DCDC1: variants seen among roughly 807,000 people sequenced by gnomAD.
DCDC1 encodes the protein doublecortin domain-containing protein 1.
In DCDC1, 200 loss-of-function variants were observed where a neutral mutation model predicts 178.3. The ratio of observed to expected loss-of-function variants is 1.12; its 90% confidence interval spans 1.00 to 1.26. DCDC1 has a LOEUF of 1.26. Among genes scored for constraint, DCDC1 ranks in the 50% most tolerant of loss-of-function variants. The pLI is 0.00. For synonymous variants in DCDC1, 690 were observed against 604.8 expected (o/e 1.14, Z -2.07); for missense variants, 1,983 against 1,749.2 (o/e 1.13, Z -2.38).
At position 31,307,653 on chromosome 11, in the gene DCDC1, T is replaced by G; in HGVS notation, c.420A>C (p.Pro140=). ...GCTTTGATTACCTCAGTTGACCCACTGGAGCACTGACAGGTCTGTTTCTCT... is the reference window on the plus strand; with the variant it reads ...GCTTTGATTACCTCAGTTGACCCACGGGAGCACTGACAGGTCTGTTTCTCT... The part of the protein sequence containing the change: ...ASKRNRPVSA[P]VGQLRVAEFS... Residue 140 remains proline, a synonymous_variant, in exon 4 of 39, where the codon CCA becomes CCC. Coordinates refer to ENST00000684477, the MANE Select transcript of DCDC1 (RefSeq NM_001387274.1). 1 of 1,614,042 alleles carries G rather than the reference T, an allele frequency of 6.2e-7. No homozygotes were observed. The highest frequency in any genetic ancestry group is 8.5e-7 in the Non-Finnish European group (1 of 1,179,924).
At chr11:30,949,801 A>G (rs908042039) in intron 21 of DCDC1, among the ~76,000 whole-genome samples, 3 of 151,110 alleles carry the variant, frequency 2.0e-5, no homozygotes, top group African/African-American at 7.3e-5. Context: ...TGGGAGTTGA[A>G]CAATGAGAAC....
At chr11:30,963,658 C>T (rs191521322) in intron 20 of DCDC1, among the ~76,000 whole-genome samples, 13 of 152,206 alleles carry the variant, frequency 8.5e-5, no homozygotes, top group Admixed American at 3.3e-4. Context: ...TAGGTGGGAG[C>T]CACATGATAA....
chr11:31,358,541 G>A (rs1236185872), intron 1 of DCDC1, among the ~76,000 whole-genome samples: 2 of 151,720 alleles, frequency 1.3e-5, no homozygotes, highest in African/African-American at 4.8e-5. Context: ...AGGACTTCAT[G>A]TCTAAAACAC....
At chr11:31,282,221 GT>G (rs1368767698) in intron 7 of DCDC1, among the ~76,000 whole-genome samples, 1 of 151,826 alleles carries the variant, frequency 6.6e-6, no homozygotes, top group African/African-American at 2.4e-5. Context: ...TTTTTGAAAA[GT>G]TTTTAATTAT....
At chr11:30,871,371 G>A (rs1467983197) in intron 38 of DCDC1, among the ~76,000 whole-genome samples, 6 of 152,052 alleles carry the variant, frequency 3.9e-5, no homozygotes, top group East Asian at 1.9e-4. Flanking sequence ...AGGCCACCAC[G>A]AAGCCTGTTT....
rs1297407078 is a variant in DCDC1, at chr11:30,919,037, A to G, written c.3293+1739T>C. 1.8e-4 allele frequency among the ~76,000 whole-genome samples: 27 copies of G among 152,124 alleles called. 1 individual carries two copies. On this transcript the variant is annotated intron_variant, in intron 25 of 38. Transcript: ENST00000684477. ...TTCAAATATGCAAAAAACTCCAAACAAGCACATTTAAGAAAGTCTGGGAAA... is the reference window on the plus strand; with the variant it reads ...TTCAAATATGCAAAAAACTCCAAACGAGCACATTTAAGAAAGTCTGGGAAA...
At chr11:31,339,480 T>C (rs1351344518) in intron 1 of DCDC1, among the ~76,000 whole-genome samples, 1 of 152,192 alleles carries the variant, frequency 6.6e-6, no homozygotes, top group Non-Finnish European at 1.5e-5. Context: ...TAAGATACTA[T>C]GGAAACAAAT....
intron 36 of DCDC1, 56 bp downstream of exon 36, chr11:30,892,762 T>C: frequency 6.3e-7 from 1 of 1,593,670 alleles, no homozygotes; most frequent in Non-Finnish European, 8.6e-7. Context: ...TCTAGAAATA[T>C]CAGAGCTGGG....
chr11:31,025,058 G>T (rs887467840), intron 20 of DCDC1, among the ~76,000 whole-genome samples: 1 of 151,778 alleles, frequency 6.6e-6, no homozygotes, highest in African/African-American at 2.4e-5. Flanking sequence ...ATAATTCTGA[G>T]TATGAATTAT....
At chr11:31,161,743 C>T (rs1476881513) in intron 9 of DCDC1, among the ~76,000 whole-genome samples, 1 of 152,146 alleles carries the variant, frequency 6.6e-6, no homozygotes, top group African/African-American at 2.4e-5. Flanking sequence ...AAGCAGTGGC[C>T]TCTGACTTCA....
intron 20 of DCDC1, among the ~76,000 whole-genome samples, chr11:31,057,424 T>C (rs1026975399): frequency 1.6e-4 from 24 of 152,266 alleles, no homozygotes; most frequent in African/African-American, 5.5e-4. Context: ...AGCTGAAATA[T>C]TTCATATATT....
At chr11:30,954,879 G>A (rs1035676222) in intron 20 of DCDC1, among the ~76,000 whole-genome samples, 1 of 152,166 alleles carries the variant, frequency 6.6e-6, no homozygotes, top group Admixed American at 6.5e-5. Flanking sequence ...TCTGAGCAAT[G>A]CTTTTTATAT....
At chr11:30,972,946 TAA>T (rs1041670720) in intron 20 of DCDC1, among the ~76,000 whole-genome samples, 8 of 152,106 alleles carry the variant, frequency 5.3e-5, no homozygotes, top group African/African-American at 1.9e-4. Context: ...GTCCTCTTGT[TAA>T]GAGTTCTCAC....
At chr11:30,887,861 T>A (rs560140563) in intron 36 of DCDC1, among the ~76,000 whole-genome samples, 1 of 151,584 alleles carries the variant, frequency 6.6e-6, no homozygotes, top group Non-Finnish European at 1.5e-5. Context: ...AAGACAAAAT[T>A]AGCCAAGCAT....
chr11:31,367,664 G>A (rs1952030648), intron 1 of DCDC1, among the ~76,000 whole-genome samples: 1 of 152,064 alleles, frequency 6.6e-6, no homozygotes, highest in Admixed American at 6.6e-5. Flanking sequence ...GGTGTGTTCG[G>A]GCACAATACA....
In DCDC1 at chr11:31,040,322, T is replaced by A. The variant is rs190173505; in HGVS notation, c.2591+24147A>T. The stretch of plus-strand genomic sequence containing the variant: ...TTTTGCACAATATTTGCACAATGGA[T>A]CTCAGACTTTCCTATGCACTATCTG... On this transcript the variant is annotated intron_variant, in intron 20 of 38. Coordinates refer to ENST00000684477, the MANE Select transcript of DCDC1 (RefSeq NM_001387274.1). Among the ~76,000 whole-genome samples, 8 of 152,308 alleles carry A rather than the reference T, an allele frequency of 5.3e-5. No individual in the cohort carries two copies. In the East Asian group the frequency reaches 1.5e-3, roughly 29 times the overall value.
At chr11:31,200,484 T>C (rs995468957) in intron 9 of DCDC1, among the ~76,000 whole-genome samples, 48 of 152,186 alleles carry the variant, frequency 3.2e-4, no homozygotes, top group African/African-American at 1.1e-3. Flanking sequence ...TATAAATTTT[T>C]GAGTAAGGAA....
chr11:31,351,655 T>C (rs1564919771), intron 1 of DCDC1, among the ~76,000 whole-genome samples: 1 of 152,146 alleles, frequency 6.6e-6, no homozygotes, highest in Non-Finnish European at 1.5e-5. Context: ...ATGGACAGTG[T>C]TCTTTAGGTA....
chr11:30,918,324 T>C (rs1259111366), intron 25 of DCDC1, among the ~76,000 whole-genome samples: 1 of 152,192 alleles, frequency 6.6e-6, no homozygotes, highest in African/African-American at 2.4e-5. Context: ...TGTTCATTCA[T>C]AGAACAAACC....
Sources: allele counts gnomAD v4.1 joint callset (sites outside exome capture counted in the v4.1 genomes callset), GRCh38; gene constraint gnomAD v4.1.1; transcripts MANE v1.5; gene names NCBI Gene and HGNC (gene_info 2026-07-23, HGNC 2026-07-21).